BRD10: variants seen among roughly 807,000 people sequenced by gnomAD.
The protein encoded by BRD10 is bromodomain containing 10.
the BRD10 span, chr9:5,924,806 T>A: frequency 6.5e-7 from 1 of 1,547,224 alleles, no homozygotes; most frequent in African/African-American, 1.4e-5. Flanking sequence ...CATGATCAGG[T>A]TGTCTTCTGA....
At chr9:5,886,723 C>G in the BRD10 span, among the ~76,000 whole-genome samples, 1 of 152,140 alleles carries the variant, frequency 6.6e-6, no homozygotes. Flanking sequence ...GGCCCAAGGC[C>G]GGCTCAAAAA....
chr9:6,007,140 G>T, the BRD10 span: 9 of 1,544,366 alleles, frequency 5.8e-6, no homozygotes, highest in East Asian at 1.8e-4. Context: ...TCGGGCACGT[G>T]TGAGTGTGTG....
the BRD10 span, among the ~76,000 whole-genome samples, chr9:5,982,828 G>T: frequency 1.3e-5 from 2 of 152,170 alleles, no homozygotes; most frequent in African/African-American, 4.8e-5. Flanking sequence ...GTGGAGTTGA[G>T]GGGATAGAGA....
At chr9:5,909,114 C>T in the BRD10 span, 8 of 226,998 alleles carry the variant, frequency 3.5e-5, no homozygotes, top group African/African-American at 1.6e-4. Flanking sequence ...AGAATTGTTC[C>T]AGTACTATGG....
At chr9:5,939,756 C>G in the BRD10 span, among the ~76,000 whole-genome samples, 1 of 152,202 alleles carries the variant, frequency 6.6e-6, no homozygotes, top group African/African-American at 2.4e-5. Context: ...ACATTTGGGA[C>G]AAGACAGTTC....
the BRD10 span, chr9:5,924,609 TTC>T: frequency 8.5e-7 from 1 of 1,179,038 alleles, no homozygotes; most frequent in Non-Finnish European, 1.1e-6. Context: ...AAACAAAAAC[TTC>T]TCTTTGTGCC....
At chr9:5,919,803 C>A in the BRD10 span, 4 of 1,613,770 alleles carry the variant, frequency 2.5e-6, no homozygotes, top group Non-Finnish European at 3.4e-6. Context: ...AGTGAAGAAA[C>A]CTTAGATGCT....
At chr9:5,921,353 A>G in the BRD10 span, 135 of 1,613,776 alleles carry the variant, frequency 8.4e-5, no homozygotes, top group Admixed American at 1.4e-3. Context: ...AATCAGTACT[A>G]TTTGGGGTTG....
the BRD10 span, chr9:6,007,630 G>C: frequency 1.2e-6 from 2 of 1,601,834 alleles, no homozygotes; most frequent in Non-Finnish European, 1.7e-6. Context: ...CTGATCGTCC[G>C]CGTCCTCCAG....
At chr9:5,944,815 C>T in the BRD10 span, 9 of 767,648 alleles carry the variant, frequency 1.2e-5, no homozygotes, top group Non-Finnish European at 1.8e-5. Context: ...TAGGAAAAAG[C>T]AGGAATAAAT....
the BRD10 span, among the ~76,000 whole-genome samples, chr9:5,898,382 T>C: frequency 6.6e-6 from 1 of 152,134 alleles, no homozygotes; most frequent in Non-Finnish European, 1.5e-5. Context: ...ACTTTTGCAA[T>C]AACAAACACA....
the BRD10 span, among the ~76,000 whole-genome samples, chr9:5,931,570 T>C: frequency 1.8e-4 from 27 of 152,206 alleles, 1 homozygote; most frequent in Non-Finnish European, 3.8e-4. Flanking sequence ...AAATGTCTGT[T>C]ATCTTTTAAC....
chr9:5,952,377 G>A, the BRD10 span, among the ~76,000 whole-genome samples: 1 of 152,138 alleles, frequency 6.6e-6, no homozygotes, highest in Non-Finnish European at 1.5e-5. Context: ...CCCATGGTCA[G>A]CAACACATTT....
At chr9:5,899,394 T>TC in the BRD10 span, 51 of 152,148 alleles carry the variant, frequency 3.4e-4, 1 homozygote, top group African/African-American at 1.2e-3. Context: ...TGTCTCCTGT[T>TC]CCCCAATGTC....
At chr9:5,974,903 G>A in the BRD10 span, among the ~76,000 whole-genome samples, 1 of 152,114 alleles carries the variant, frequency 6.6e-6, no homozygotes, top group Admixed American at 6.5e-5. Context: ...TAGCGCTCAG[G>A]ATCCAAGTAA....
chr9:5,919,559 C>CACACACACAT, the BRD10 span: 6 of 715,814 alleles, frequency 8.4e-6, no homozygotes, highest in Non-Finnish European at 1.4e-5. Flanking sequence ...CACACACACA[C>CACACACACAT]ACACACACAC....
chr9:5,922,432 C>T, the BRD10 span: 103 of 1,613,792 alleles, frequency 6.4e-5, no homozygotes, highest in Non-Finnish European at 6.9e-5. Context: ...AGGTTACAGG[C>T]GACAAAGGCT....
chr9:5,959,948 T>C, the BRD10 span, among the ~76,000 whole-genome samples: 14 of 152,208 alleles, frequency 9.2e-5, no homozygotes, highest in Non-Finnish European at 2.1e-4. Flanking sequence ...TTTTCTTTAA[T>C]TGTGCTTCTT....
chr9:5,908,504 C>T, the BRD10 span: 2 of 755,752 alleles, frequency 2.6e-6, no homozygotes, highest in East Asian at 2.6e-5. Flanking sequence ...CTTCACTGGG[C>T]AGAAATTATA....
Sources: allele counts gnomAD v4.1 joint callset (sites outside exome capture counted in the v4.1 genomes callset), GRCh38; gene constraint gnomAD v4.1.1; transcripts MANE v1.5; gene names NCBI Gene and HGNC (gene_info 2026-07-23, HGNC 2026-07-21).